Variants in FAT3 observed in about 807,000 individuals in gnomAD.
FAT3 encodes the protein protocadherin Fat 3.
A neutral mutation model predicts 310.2 loss-of-function variants in FAT3; 95 were observed. The observed-to-expected ratio is 0.31, with a 90% CI of 0.26 to 0.36. The LOEUF (loss-of-function observed/expected upper bound fraction) is 0.36, where lower values mean the gene tolerates loss of function less well. Ranked by LOEUF, FAT3 falls within the 10% of genes least tolerant of loss-of-function variation. The pLI is 1.00. For synonymous variants in FAT3, 2,314 were observed against 2,192.9 expected, an observed-to-expected ratio of 1.06 and a Z score of -1.54; for missense variants, 5,408 against 5,715.6, an observed-to-expected ratio of 0.95 and a Z score of 1.74.
intron 2 of FAT3, among the ~76,000 whole-genome samples, chr11:92,419,857 A>G (rs954892947): frequency 2.6e-5 from 4 of 152,188 alleles, no homozygotes; most frequent in East Asian, 1.9e-4. Context: ...TGACAAAATC[A>G]TAGCCTGTTG....
At chr11:92,349,393 T>C (rs1310351962) in intron 1 of FAT3, among the ~76,000 whole-genome samples, 2 of 152,192 alleles carry the variant, frequency 1.3e-5, no homozygotes, top group Non-Finnish European at 2.9e-5. Context: ...TACAAAATAC[T>C]ATTAAAGCTT....
At chr11:92,568,895 C>T (rs925473585) in intron 3 of FAT3, among the ~76,000 whole-genome samples, 31 of 152,144 alleles carry the variant, frequency 2.0e-4, no homozygotes, top group Non-Finnish European at 3.5e-4. Flanking sequence ...CCTGTCAACC[C>T]TCTGGTCACT....
chr11:92,453,200 T>C (rs1171409067), intron 2 of FAT3, among the ~76,000 whole-genome samples: 1 of 152,202 alleles, frequency 6.6e-6, no homozygotes, highest in Admixed American at 6.5e-5. Context: ...CTCCAAAAGC[T>C]GTTATCAGGG....
At chr11:92,709,623 A>G (rs558589468) in intron 4 of FAT3, among the ~76,000 whole-genome samples, 1 of 152,324 alleles carries the variant, frequency 6.6e-6, no homozygotes, top group South Asian at 2.1e-4. Context: ...GCTGAGTGGA[A>G]GTTTAGGGCT....
At chr11:92,753,798 G>GTGTGTGTGAATATATATATATATATATA in intron 4 of FAT3, among the ~76,000 whole-genome samples, 1 of 119,116 alleles carries the variant, frequency 8.4e-6, no homozygotes, top group African/African-American at 3.9e-5. Context: ...GTGTGTGTGT[G>GTGTGTGTGAATATATATATATATATATA]TATATATATA....
intron 2 of FAT3, among the ~76,000 whole-genome samples, chr11:92,386,535 C>T (rs1417190886): frequency 2.6e-5 from 4 of 152,176 alleles, no homozygotes; most frequent in Non-Finnish European, 5.9e-5. Flanking sequence ...TCACCCAGTG[C>T]GTGAGCAATA....
chr11:92,568,754 A>G (rs962590426), intron 3 of FAT3, among the ~76,000 whole-genome samples: 1 of 152,006 alleles, frequency 6.6e-6, no homozygotes, highest in African/African-American at 2.4e-5. Flanking sequence ...TCTTCACCCT[A>G]TTTATCCAAC....
chr11:92,539,157 T>C (rs1310680650), intron 3 of FAT3, among the ~76,000 whole-genome samples: 1 of 152,198 alleles, frequency 6.6e-6, no homozygotes. Flanking sequence ...TCTGTCATAG[T>C]GAGAAATGCA....
At chr11:92,737,648 T>A (rs947925560) in intron 4 of FAT3, among the ~76,000 whole-genome samples, 1 of 152,174 alleles carries the variant, frequency 6.6e-6, no homozygotes, top group African/African-American at 2.4e-5. Flanking sequence ...ATCAACCTTG[T>A]TTAATTTTTA....
chr11:92,312,525 T>C (rs1947335627), intron 1 of FAT3, among the ~76,000 whole-genome samples: 1 of 152,172 alleles, frequency 6.6e-6, no homozygotes. Context: ...ACAAAACAAA[T>C]AGTGACTTCT....
At chr11:92,388,179 A>G (rs1295924286) in intron 2 of FAT3, among the ~76,000 whole-genome samples, 1 of 152,160 alleles carries the variant, frequency 6.6e-6, no homozygotes. Context: ...ATGTGTCACA[A>G]TTATTTATAT....
chr11:92,370,792 A>G (rs1209577649), intron 2 of FAT3, among the ~76,000 whole-genome samples: 1 of 152,206 alleles, frequency 6.6e-6, no homozygotes. Flanking sequence ...GTAGGTGCTC[A>G]AGGGTGATTA....
chr11:92,570,270 T>G (rs1021249554), intron 3 of FAT3, among the ~76,000 whole-genome samples: 2 of 152,204 alleles, frequency 1.3e-5, no homozygotes, highest in African/African-American at 4.8e-5. Context: ...TCCTCTAGAC[T>G]GTGAGATTCT....
At chr11:92,748,922 A>G (rs1003465783) in intron 4 of FAT3, 1 of 152,170 alleles carries the variant, frequency 6.6e-6, no homozygotes, top group African/African-American at 2.4e-5. Flanking sequence ...GTTTGTGTAT[A>G]CTTTTCTTTC....
At chr11:92,503,625 C>G (rs1953012013) in intron 2 of FAT3, among the ~76,000 whole-genome samples, 1 of 152,186 alleles carries the variant, frequency 6.6e-6, no homozygotes, top group Middle Eastern at 3.4e-3. Flanking sequence ...ATCTCTCAAC[C>G]TCTCTCTTTC....
At chr11:92,278,155 C>T (rs947943590) in intron 1 of FAT3, among the ~76,000 whole-genome samples, 1 of 151,998 alleles carries the variant, frequency 6.6e-6, no homozygotes, top group African/African-American at 2.4e-5. Flanking sequence ...GAGGGCTTGA[C>T]CTTTCTGAAG....
At chr11:92,485,238 A>G (rs748263098) in intron 2 of FAT3, among the ~76,000 whole-genome samples, 9 of 152,360 alleles carry the variant, frequency 5.9e-5, no homozygotes, top group South Asian at 2.1e-4. Context: ...TATGTGTCCA[A>G]TACTTTCTCT....
At chr11:92,693,522 G>A (rs1943853831) in intron 3 of FAT3, among the ~76,000 whole-genome samples, 1 of 152,132 alleles carries the variant, frequency 6.6e-6, no homozygotes, top group Non-Finnish European at 1.5e-5. Context: ...TTCTCTATTT[G>A]TTCCAAATGC....
chr11:92,747,334 C>A (rs567562125), intron 4 of FAT3, among the ~76,000 whole-genome samples: 1 of 152,360 alleles, frequency 6.6e-6, no homozygotes, highest in East Asian at 1.9e-4. Context: ...ATGGCCTGAG[C>A]TGTATGTTGG....
Sources: gnomAD v4.1 joint callset for allele counts (sites outside exome capture counted in the v4.1 genomes callset) on GRCh38, gnomAD v4.1.1 for gene constraint, MANE v1.5 for transcripts, NCBI Gene and HGNC (gene_info 2026-07-23, HGNC 2026-07-21) for gene names.